Variants in ADGRG5 observed in about 807,000 individuals in gnomAD.
The protein encoded by ADGRG5 is adhesion G protein-coupled receptor G5.
ADGRG5 carries 37 observed loss-of-function variants against 53.2 expected under a neutral mutation model. The observed-to-expected ratio is 0.70, with a 90% CI of 0.53 to 0.91. ADGRG5 has a LOEUF of 0.91. Ranked by LOEUF, ADGRG5 falls within the 40% of genes least tolerant of loss-of-function variation. The probability of loss-of-function intolerance (pLI) is 0.00; values close to 1 mark genes in which losing one functional copy is unlikely to be tolerated. For synonymous variants in ADGRG5, 277 were observed against 290.4 expected (o/e 0.95, Z 0.47); for missense variants, 614 against 675.8 (o/e 0.91, Z 1.01).
upstream of ADGRG5, among the ~76,000 whole-genome samples, chr16:57,540,996 G>A (rs144279433): frequency 3.3e-5 from 5 of 152,240 alleles, no homozygotes; most frequent in Non-Finnish European, 7.4e-5. Context: ...TTGCCATGTT[G>A]CCCAGGCTGG....
In ADGRG5 at chr16:57,574,106, C is replaced by G. The variant is rs2404454; in HGVS notation, c.1209-709C>G. Among the ~76,000 whole-genome samples, 69 of 152,310 alleles carry G rather than the reference C, an allele frequency of 4.5e-4. No individual in the cohort carries two copies. Among genetic ancestry groups the G allele is most frequent in the African/African-American group, 1.6e-3 (68 of 41,564 alleles). ...TGCCTCAGCATGACATTGTGTCCGA[C>G]TAAAAGGTGGCATCTGTCTTGAAGG... On this transcript the variant is annotated intron_variant, in intron 10 of 11. Transcript: ENST00000349457. This position sits in a 1 kb window ranked among gnomAD's most constrained non-coding sequence, Gnocchi z 4.4.
chr16:57,560,299 C>T (rs569477564), intron 1 of ADGRG5, among the ~76,000 whole-genome samples: 1 of 152,312 alleles, frequency 6.6e-6, no homozygotes, highest in Admixed American at 6.5e-5. Context: ...TTTGTTGGAG[C>T]ACATCCTCCA....
At chr16:57,548,627 C>T (rs1403958509) in intron 1 of ADGRG5, among the ~76,000 whole-genome samples, 1 of 152,008 alleles carries the variant, frequency 6.6e-6, no homozygotes, top group East Asian at 1.9e-4. Flanking sequence ...TAACCCTTTG[C>T]AACCACTAAT....
chr16:57,567,388 G>C, intron 7 of ADGRG5, 82 bp from the exon 8 acceptor site: 1 of 1,493,620 alleles, frequency 6.7e-7, no homozygotes, highest in Non-Finnish European at 9.1e-7. Context: ...TGGAGAGGAG[G>C]CCTCAGGAGG....
At chr16:57,539,208 G>A (rs1270931865), upstream of ADGRG5, among the ~76,000 whole-genome samples, 1 of 152,174 alleles carries the variant, frequency 6.6e-6, no homozygotes, top group African/African-American at 2.4e-5. Flanking sequence ...CATGCTAAGT[G>A]AAATGAGCCA....
At chr16:57,572,451 C>T (rs533491865) in intron 10 of ADGRG5, among the ~76,000 whole-genome samples, 1 of 150,832 alleles carries the variant, frequency 6.6e-6, no homozygotes, top group African/African-American at 2.4e-5. Context: ...CCAGCCTGGG[C>T]GACAGCGAGA....
intron 1 of ADGRG5, among the ~76,000 whole-genome samples, chr16:57,557,560 C>G (rs559584521): frequency 6.6e-6 from 1 of 152,110 alleles, no homozygotes; most frequent in African/African-American, 2.4e-5. Flanking sequence ...CTTTCTGTTT[C>G]TATTTATTCT....
chr16:57,556,908 CTTTT>C (rs35948606), intron 1 of ADGRG5, among the ~76,000 whole-genome samples: 5 of 115,760 alleles, frequency 4.3e-5, no homozygotes, highest in South Asian at 2.8e-4. Context: ...TTGCCTTCTT[CTTTT>C]TTTTTTTTTT....
chr16:57,536,005 T>A, the ADGRG5 span, among the ~76,000 whole-genome samples: 1 of 152,104 alleles, frequency 6.6e-6, no homozygotes, highest in South Asian at 2.1e-4. Flanking sequence ...CCGCTCCACC[T>A]AGCGACGGGC....
At chr16:57,575,335 G>A in intron 11 of ADGRG5, 103 bp from the exon 12 acceptor site, 2 of 1,117,584 alleles carry the variant, frequency 1.8e-6, no homozygotes, top group Admixed American at 4.3e-5. Flanking sequence ...GATTCTGGGA[G>A]TTGCCCATGG....
chr16:57,556,489 A>T (rs2032885680), intron 1 of ADGRG5, among the ~76,000 whole-genome samples: 1 of 151,924 alleles, frequency 6.6e-6, no homozygotes, highest in Non-Finnish European at 1.5e-5. Context: ...CTTTTTTGTG[A>T]TGGCATTGTA....
chr16:57,561,481 C>G (rs1181892048), intron 1 of ADGRG5, among the ~76,000 whole-genome samples: 1 of 152,152 alleles, frequency 6.6e-6, no homozygotes, highest in Non-Finnish European at 1.5e-5. Context: ...TGCCTCCTTT[C>G]TTCCCCATTG....
upstream of ADGRG5, among the ~76,000 whole-genome samples, chr16:57,539,076 G>C (rs1197716272): frequency 1.3e-5 from 2 of 152,212 alleles, no homozygotes. Flanking sequence ...AGTAACTGAA[G>C]TGTCCATCAA....
At chr16:57,531,374 T>C in the ADGRG5 span, among the ~76,000 whole-genome samples, 1 of 151,882 alleles carries the variant, frequency 6.6e-6, no homozygotes, top group East Asian at 1.9e-4. Context: ...CGCCAAACCT[T>C]GTCAGTCTAT....
At chr16:57,546,402 A>G (rs2032621571) in intron 1 of ADGRG5, among the ~76,000 whole-genome samples, 1 of 152,226 alleles carries the variant, frequency 6.6e-6, no homozygotes, top group South Asian at 2.1e-4. Context: ...CTGAGATTAC[A>G]GGTATGAGCT....
intron 1 of ADGRG5, among the ~76,000 whole-genome samples, chr16:57,552,376 GC>G (rs1470195722): frequency 1.3e-5 from 2 of 152,098 alleles, no homozygotes; most frequent in Non-Finnish European, 2.9e-5. Context: ...GTTTAATGTG[GC>G]CACCCTCATG....
intron 1 of ADGRG5, among the ~76,000 whole-genome samples, chr16:57,550,091 C>T (rs1159753213): frequency 1.3e-5 from 2 of 152,148 alleles, no homozygotes; most frequent in Non-Finnish European, 2.9e-5. Flanking sequence ...ATTCTCCTGC[C>T]TTAGACTCTT....
chr16:57,570,657 G>A, intron 10 of ADGRG5, 122 bp downstream of exon 10: 2 of 711,128 alleles, frequency 2.8e-6, no homozygotes, highest in Non-Finnish European at 2.4e-6. Flanking sequence ...AGGGAGCTGG[G>A]GCTTAGACAG....
chr16:57,552,951 G>A (rs188174287), intron 1 of ADGRG5, among the ~76,000 whole-genome samples: 74 of 152,288 alleles, frequency 4.9e-4, no homozygotes, highest in African/African-American at 1.7e-3. Context: ...GGAGGCCCAA[G>A]AAGAGGGAGG....
Sources: gnomAD v4.1 joint callset for allele counts (sites outside exome capture counted in the v4.1 genomes callset) on GRCh38, gnomAD v4.1.1 for gene constraint, Gnocchi (gnomAD v3.1) non-coding constraint, MANE v1.5 for transcripts, NCBI Gene and HGNC (gene_info 2026-07-23, HGNC 2026-07-21) for gene names.